AFF2: variants seen among roughly 807,000 people sequenced by gnomAD.
AFF2 encodes the protein ALF transcription elongation factor 2, also known as AF4/FMR2 family member 2.
A neutral mutation model predicts 76.9 loss-of-function variants in AFF2; 14 were observed. The observed-to-expected ratio is 0.18, with a 90% CI of 0.12 to 0.28. The LOEUF (loss-of-function observed/expected upper bound fraction) is 0.28. AFF2 is among the 10% of genes least tolerant of loss of function. The pLI, the probability that AFF2 is intolerant of heterozygous loss-of-function variation, is 1.00. For synonymous variants in AFF2, 398 were observed against 366.7 expected, an observed-to-expected ratio of 1.09 and a Z score of -0.98; for missense variants, 868 against 1,001.1, an observed-to-expected ratio of 0.87 and a Z score of 1.79.
chrX:148,815,696 G>A (rs2070257054), intron 4 of AFF2, among the ~76,000 whole-genome samples: 1 of 111,171 alleles, frequency 9.0e-6, no homozygotes, highest in Admixed American at 9.6e-5. Flanking sequence ...TTGGGAAAGT[G>A]AGTAATATGA....
rs928543534 is a variant in AFF2 at position 148,953,661 on chromosome X, C to T, written c.1479C>T (p.Ser493=). 2.5e-5 allele frequency: 30 copies of T among 1,211,523 alleles called. No individual in the cohort carries two copies. Among genetic ancestry groups the T allele is most frequent in the Admixed American group, 8.7e-5 (4 of 46,044 alleles). ...GCAGCTCCAGCGAATCGGAGAGCAG[C>T]TCTGAGTCGGATTCAGACACTGAAA... ...GSGSSSESES[S]SESDSDTESS... is the part of the protein sequence containing the mutation. Residue 493 remains serine (S), a synonymous_variant, in exon 10 of 21, where the codon AGC becomes AGT. Coordinates refer to ENST00000370460, the MANE Select transcript of AFF2 (RefSeq NM_002025.4).
intron 3 of AFF2, among the ~76,000 whole-genome samples, chrX:148,794,106 C>G (rs782471818): frequency 2.4e-4 from 27 of 112,098 alleles, no homozygotes; most frequent in Admixed American, 1.2e-3. Context: ...CCAGAGGCAG[C>G]CCTTTTTCAA....
At chrX:148,969,706 G>A (rs1210829470) in intron 15 of AFF2, among the ~76,000 whole-genome samples, 6 of 111,513 alleles carry the variant, frequency 5.4e-5, no homozygotes, top group Admixed American at 1.9e-4. Flanking sequence ...TAAATCCATG[G>A]ATGCAGAACC....
intron 1 of AFF2, among the ~76,000 whole-genome samples, chrX:148,521,439 A>G (rs969308781): frequency 9.2e-6 from 1 of 108,412 alleles, no homozygotes; most frequent in East Asian, 3.0e-4. Flanking sequence ...TGGATCTTGC[A>G]AAAAAGTTAC....
chrX:148,563,618 A>G (rs2053138181), intron 1 of AFF2, among the ~76,000 whole-genome samples: 1 of 112,290 alleles, frequency 8.9e-6, no homozygotes, highest in African/African-American at 3.2e-5. Context: ...TTATGCTTAT[A>G]TAACTCGGAC....
At chrX:148,550,159 G>T (rs2052973691) in intron 1 of AFF2, among the ~76,000 whole-genome samples, 1 of 112,133 alleles carries the variant, frequency 8.9e-6, no homozygotes, top group Non-Finnish European at 1.9e-5. Context: ...AGGAAATTTT[G>T]TGTGAATTTT....
At chrX:148,975,632 G>A (rs2072311393) in intron 16 of AFF2, among the ~76,000 whole-genome samples, 1 of 111,477 alleles carries the variant, frequency 9.0e-6, no homozygotes, top group African/African-American at 3.3e-5. Flanking sequence ...CTTTTAAGAA[G>A]ACACATGCTG....
chrX:148,806,271 T>A (rs2070131856), intron 3 of AFF2, among the ~76,000 whole-genome samples: 1 of 112,420 alleles, frequency 8.9e-6, no homozygotes, highest in African/African-American at 3.2e-5. Flanking sequence ...TTAGCTCAGC[T>A]TTCTTCCAGT....
At chrX:148,883,016 C>A (rs971923775) in intron 7 of AFF2, among the ~76,000 whole-genome samples, 2 of 111,339 alleles carry the variant, frequency 1.8e-5, no homozygotes, top group Admixed American at 1.9e-4. Flanking sequence ...TAATGTGGAT[C>A]GCTGTGTAGA....
intron 4 of AFF2, among the ~76,000 whole-genome samples, chrX:148,816,298 TGAAA>T (rs2124645641): frequency 9.0e-6 from 1 of 111,415 alleles, no homozygotes; most frequent in Admixed American, 9.6e-5. Flanking sequence ...AGTTTTGAAA[TGAAA>T]GAAAGAAGGA....
chrX:148,944,368 G>T (rs2071875143), intron 9 of AFF2, among the ~76,000 whole-genome samples: 1 of 111,675 alleles, frequency 9.0e-6, no homozygotes, highest in Non-Finnish European at 1.9e-5. Context: ...ACTCCTGGAG[G>T]CTGGCCCTTT....
intron 3 of AFF2, among the ~76,000 whole-genome samples, chrX:148,718,088 A>G (rs2055048172): frequency 9.2e-6 from 1 of 109,207 alleles, no homozygotes; most frequent in Admixed American, 9.9e-5. Context: ...AGGAGTGTGG[A>G]CTTACCTTTT....
intron 15 of AFF2, among the ~76,000 whole-genome samples, chrX:148,970,327 T>C (rs1314971724): frequency 8.9e-6 from 1 of 112,185 alleles, no homozygotes; most frequent in East Asian, 2.8e-4. Context: ...TAGCTAATCA[T>C]TTTATAGTTG....
At chrX:148,921,289 C>A (rs1298002400) in intron 9 of AFF2, among the ~76,000 whole-genome samples, 4 of 112,008 alleles carry the variant, frequency 3.6e-5, no homozygotes, top group Admixed American at 1.9e-4. Context: ...TCATACAGTT[C>A]ACTGATTTAT....
intron 9 of AFF2, among the ~76,000 whole-genome samples, chrX:148,922,242 C>T (rs1467567028): frequency 8.9e-6 from 1 of 111,896 alleles, no homozygotes; most frequent in Non-Finnish European, 1.9e-5. Flanking sequence ...CTCTTCCAAA[C>T]GGATGATGTC....
chrX:148,536,132 CCCAGGAGGTGGAGGTTGCAGTGGG>C (rs1414604582), intron 1 of AFF2, among the ~76,000 whole-genome samples: 1 of 109,724 alleles, frequency 9.1e-6, no homozygotes, highest in East Asian at 2.9e-4. Flanking sequence ...ATCGCTTGAA[CCCAGGAGGTGGAGGTTGCAGTGGG>C]CCAAAGATTG....
At chrX:148,547,627 C>T (rs1392329190) in intron 1 of AFF2, among the ~76,000 whole-genome samples, 1 of 111,892 alleles carries the variant, frequency 8.9e-6, no homozygotes, top group Non-Finnish European at 1.9e-5. Flanking sequence ...TGCTTTTATT[C>T]TTTCCTTGTA....
At chrX:148,569,562 C>G (rs781868435) in intron 1 of AFF2, among the ~76,000 whole-genome samples, 5 of 111,227 alleles carry the variant, frequency 4.5e-5, no homozygotes, top group Non-Finnish European at 9.5e-5. Context: ...CAAAATCTAT[C>G]AAATTCTTCT....
intron 2 of AFF2, among the ~76,000 whole-genome samples, chrX:148,658,957 T>C (rs1278373699): frequency 8.9e-6 from 1 of 112,223 alleles, no homozygotes; most frequent in Non-Finnish European, 1.9e-5. Context: ...GACATGGTGC[T>C]ACATCTTGGG....
Sources: gnomAD v4.1 joint callset for allele counts (sites outside exome capture counted in the v4.1 genomes callset) on GRCh38, gnomAD v4.1.1 for gene constraint, MANE v1.5 for transcripts, NCBI Gene and HGNC (gene_info 2026-07-23, HGNC 2026-07-21) for gene names.